The following HIC2 variants were observed in gnomAD, a reference collection of about 807,000 sequenced individuals.
HIC2 encodes HIC ZBTB transcriptional repressor 2.
In HIC2, 2 loss-of-function variants were observed where a neutral mutation model predicts 39.5. The observed-to-expected ratio is 0.05, with a 90% CI of 0.02 to 0.16. HIC2 has a LOEUF of 0.16. Among genes scored for constraint, HIC2 ranks in the 10% least tolerant of loss-of-function variants. The probability of loss-of-function intolerance (pLI) is 1.00; values close to 1 mark genes in which losing one functional copy is unlikely to be tolerated. For synonymous variants in HIC2, 399 were observed against 368.8 expected, an observed-to-expected ratio of 1.08 and a Z score of -0.94; for missense variants, 713 against 863.5, an observed-to-expected ratio of 0.83 and a Z score of 2.18.
At position 21,448,856 on chromosome 22, in the gene HIC2, T is replaced by G. The variant is rs1234362494; in HGVS notation, c.*2113T>G. ...GGAGACCCATGGACTTCACCCATAC[T>G]CAGTGAGGGGGCTCCTGCCGTCCTG... On this transcript the variant is annotated 3_prime_UTR_variant, in exon 3 of 3. Transcript: ENST00000407464. 1 of 152,750 alleles carries G rather than the reference T, an allele frequency of 6.5e-6. No homozygotes were observed. The highest frequency in any genetic ancestry group is 2.4e-5 in the African/African-American group (1 of 41,440). The allele number at this position is 152,750 out of a possible 1,614,324, so 9.5% of individuals were successfully genotyped here. A position where few individuals can be genotyped will look rare whatever the true frequency, so the allele number is the denominator to read the frequency against.
rs748266019 is a variant in HIC2, at chr22:21,446,050, C to T, written c.1155C>T (p.Ser385=). Reference sequence around the variant, plus strand: ...TCCTGGCTAGTGGGGCTGGCCCTAGCGGGCCCTATGGGGAGCCCCCCTACC... The same window carrying T: ...TCCTGGCTAGTGGGGCTGGCCCTAGTGGGCCCTATGGGGAGCCCCCCTACC... ...NGILASGAGP[S]GPYGEPPYPC... The change falls in exon 3 of 3, where the codon AGC becomes AGT. Residue 385 remains serine, a synonymous_variant. Transcript: ENST00000407464. 1.6e-5 allele frequency: 25 copies of T among 1,602,592 alleles called. No individual in the cohort carries two copies. Among genetic ancestry groups the T allele is most frequent in the African/African-American group, 1.5e-4 (11 of 74,788 alleles).
intron 1 of HIC2, among the ~76,000 whole-genome samples, chr22:21,425,798 G>A (rs1429737875): frequency 4.3e-5 from 6 of 139,768 alleles, no homozygotes; most frequent in Non-Finnish European, 9.2e-5. Context: ...TGCAACCTCC[G>A]CCTCCTGGGT....
rs1239198441 is a variant in HIC2, at chr22:21,445,939, C to T, written c.1044C>T (p.Ser348=). 6.3e-6 allele frequency: 10 copies of T among 1,578,818 alleles called. No individual in the cohort carries two copies. In the East Asian group the frequency reaches 1.8e-4, roughly 28 times the overall value. The change falls in exon 3 of 3, where the codon TCC becomes TCT. Residue 348 remains serine (S), a synonymous_variant. Transcript: ENST00000407464. The part of the protein sequence containing the change: ...EWGKKEPVAG[S]PFERREAGPK... ...GCAAGAAGGAGCCTGTGGCTGGCTC[C>T]CCCTTTGAGCGGAGAGAAGCAGGGC... is the stretch of plus-strand genomic sequence containing the variant.
At position 21,445,264 on chromosome 22, in the gene HIC2, C is replaced by T. The variant is rs1923732669; in HGVS notation, c.369C>T (p.Ala123=). The change falls in exon 3 of 3, where the codon GCC becomes GCT. Residue 123 remains alanine (A), a synonymous_variant. Coordinates refer to ENST00000407464, the MANE Select transcript of HIC2 (RefSeq NM_015094.3). Reference sequence around the variant, plus strand: ...ACTTCAGCACCCTCCTCACTGCCGCCAGCTACCTCCAGCTGCCCGAGTTGG... The same window carrying T: ...ACTTCAGCACCCTCCTCACTGCCGCTAGCTACCTCCAGCTGCCCGAGTTGG... The part of the protein sequence containing the change: ...EPNFSTLLTA[A]SYLQLPELAA... 1 of 1,612,002 alleles carries T rather than the reference C, an allele frequency of 6.2e-7. No individual in the cohort carries two copies. Among genetic ancestry groups the T allele is most frequent in the African/African-American group, 1.3e-5 (1 of 74,952 alleles).
intron 1 of HIC2, among the ~76,000 whole-genome samples, chr22:21,425,697 C>T (rs1305060676): frequency 2.1e-5 from 3 of 146,216 alleles, no homozygotes; most frequent in African/African-American, 5.1e-5. Context: ...CCTGCCACCA[C>T]GCCTGGTTAA....
chr22:21,442,980 G>C, intron 2 of HIC2, 123 bp downstream of exon 2: 1 of 527,032 alleles, frequency 1.9e-6, no homozygotes. Flanking sequence ...ACACAGCACT[G>C]GGCAGTGTGG....
Position 21,446,879 on chromosome 22 carries a change from C to A in HIC2, c.*136C>A. The A allele has an allele frequency of 8.3e-7, 1 of 1,203,776 alleles. No individual in the cohort carries two copies. The highest frequency in any genetic ancestry group is 1.1e-6 in the Non-Finnish European group (1 of 885,170). 74.6% of individuals were successfully genotyped at this position (1,203,776 alleles called of 1,614,324 possible). ...CGGGTGGCCCCTCTGGCCCCCACTG[C>A]CCACACCCAGAGCTTTAATGGACAG... On this transcript the variant is annotated 3_prime_UTR_variant, in exon 3 of 3. Transcript: ENST00000407464.
At chr22:21,426,354 T>TC (rs1923252254) in intron 1 of HIC2, among the ~76,000 whole-genome samples, 1 of 116,970 alleles carries the variant, frequency 8.5e-6, no homozygotes, top group Non-Finnish European at 1.8e-5. Context: ...TTTTTTTTTT[T>TC]TTCCAGAGAT....
At chr22:21,426,885 T>G (rs1231190887) in intron 1 of HIC2, among the ~76,000 whole-genome samples, 1 of 2,324 alleles carries the variant, frequency 4.3e-4, no homozygotes, top group Non-Finnish European at 1.1e-3. Context: ...TTACAGGCGC[T>G]TGCCACCACA....
In HIC2 at chr22:21,447,932, G is replaced by A. The variant is rs1352610168; in HGVS notation, c.*1189G>A. ...CTTGAATTCATGACAACGATATGTT[G>A]GTGACTGGCAGTGGAAGCCCTTGAC... On this transcript the variant is annotated 3_prime_UTR_variant, in exon 3 of 3. Transcript: ENST00000407464. 6.5e-6 allele frequency: 1 copy of A among 152,788 alleles called. No individual in the cohort carries two copies. The highest frequency in any genetic ancestry group is 1.9e-4 in the East Asian group (1 of 5,338). The allele number at this position is 152,788 out of a possible 1,614,324, so 9.5% of individuals were successfully genotyped here. A position where few individuals can be genotyped will look rare whatever the true frequency, so the allele number is the denominator to read the frequency against.
chr22:21,426,356 T>TC (rs1366286855), intron 1 of HIC2, among the ~76,000 whole-genome samples: 20 of 119,712 alleles, frequency 1.7e-4, no homozygotes, highest in Non-Finnish European at 2.4e-4. Context: ...TTTTTTTTTT[T>TC]CCAGAGATGG....
At chr22:21,438,130 GCCTC>G (rs1400243330) in intron 1 of HIC2, among the ~76,000 whole-genome samples, 7 of 152,214 alleles carry the variant, frequency 4.6e-5, no homozygotes, top group Non-Finnish European at 7.3e-5. Flanking sequence ...TTCTCCCCAG[GCCTC>G]CCTCCTGGCT....
At position 21,448,469 on chromosome 22, in the gene HIC2, C is replaced by T. The variant is rs1286860288; in HGVS notation, c.*1726C>T. ...AGACCAAGGTTGCTGATCTCAGTCCCACTGTCTTCAGCCAGCTGAAGCTGT... is the reference window on the plus strand; with the variant it reads ...AGACCAAGGTTGCTGATCTCAGTCCTACTGTCTTCAGCCAGCTGAAGCTGT... On this transcript the variant is annotated 3_prime_UTR_variant, in exon 3 of 3. Transcript: ENST00000407464. 6.5e-6 allele frequency: 1 copy of T among 152,794 alleles called. No homozygotes were observed. The highest frequency in any genetic ancestry group is 1.5e-5 in the Non-Finnish European group (1 of 68,032). The allele number at this position is 152,794 out of a possible 1,614,324, so 9.5% of individuals were successfully genotyped here.
Position 21,451,136 on chromosome 22 carries a change from A to T in HIC2, c.*4393A>T, listed in dbSNP as rs561058384. On this transcript the variant is annotated 3_prime_UTR_variant, in exon 3 of 3. Transcript: ENST00000407464. ...ATTTCTCGCAAATACCTCGAAGGGG[A>T]GGGGGGAGGGATGGGGTTATAGCTG... 2.0e-5 allele frequency: 3 copies of T among 148,668 alleles called. No individual in the cohort carries two copies. The highest frequency in any genetic ancestry group is 3.0e-5 in the Non-Finnish European group (2 of 66,480). 9.2% of individuals were successfully genotyped at this position (148,668 alleles called of 1,614,324 possible). A position where few individuals can be genotyped will look rare whatever the true frequency, so the allele number is the denominator to read the frequency against.
rs1924080689 is a variant in HIC2 at position 21,450,039 on chromosome 22, CT to C, written c.*3297del. On this transcript the variant is annotated 3_prime_UTR_variant, in exon 3 of 3. Transcript: ENST00000407464. ...CACCCCAGGCAGCGGAAGGGGCTGA[CT>C]GGGTCTGGTCCTTACCAACATAGAC... 1.3e-5 allele frequency: 2 copies of C among 152,816 alleles called. No homozygotes were observed. The highest frequency in any genetic ancestry group is 1.3e-4 in the Admixed American group (2 of 15,294). 9.5% of individuals were successfully genotyped at this position (152,816 alleles called of 1,614,324 possible).
chr22:21,443,794 G>A (rs1923651490), intron 2 of HIC2, among the ~76,000 whole-genome samples: 1 of 152,178 alleles, frequency 6.6e-6, no homozygotes, highest in Non-Finnish European at 1.5e-5. Context: ...ACTGCGTTTT[G>A]TACTGGGGAG....
chr22:21,446,858 T>A lies in HIC2; in HGVS notation c.*115T>A. ...CCCTGGGTCCAGTGGAGGCTCCGGG[T>A]GGCCCCTCTGGCCCCCACTGCCCAC... is the stretch of plus-strand genomic sequence containing the variant. On this transcript the variant is annotated 3_prime_UTR_variant, in exon 3 of 3. Transcript: ENST00000407464. The A allele has an allele frequency of 7.4e-7, 1 of 1,347,130 alleles. No homozygotes were observed. The highest frequency in any genetic ancestry group is 9.9e-7 in the Non-Finnish European group (1 of 1,010,756). 83.4% of individuals were successfully genotyped at this position (1,347,130 alleles called of 1,614,324 possible). A position where few individuals can be genotyped will look rare whatever the true frequency, so the allele number is the denominator to read the frequency against.
intron 1 of HIC2, among the ~76,000 whole-genome samples, chr22:21,425,708 T>C (rs1290659601): frequency 6.7e-6 from 1 of 148,188 alleles, no homozygotes; most frequent in African/African-American, 2.5e-5. Context: ...GCCTGGTTAA[T>C]TTTTTCTTTT....
Position 21,450,196 on chromosome 22 carries a change from A to G in HIC2, c.*3453A>G, listed in dbSNP as rs1353871059. ...CTCCGCCACTGCATGCTCCCGCCGG[A>G]CCGAGCCCCAGCAAGGGCTCCTCCA... On this transcript the variant is annotated 3_prime_UTR_variant, in exon 3 of 3. Coordinates refer to ENST00000407464, the MANE Select transcript of HIC2 (RefSeq NM_015094.3). The G allele has an allele frequency of 6.6e-6, 1 of 152,026 alleles. No individual in the cohort carries two copies. The highest frequency in any genetic ancestry group is 2.4e-5 in the African/African-American group (1 of 41,172). The allele number at this position is 152,026 out of a possible 1,614,324, so 9.4% of individuals were successfully genotyped here.
Sources: allele counts gnomAD v4.1 joint callset (sites outside exome capture counted in the v4.1 genomes callset), GRCh38; gene constraint gnomAD v4.1.1; transcripts MANE v1.5; gene names NCBI Gene and HGNC (gene_info 2026-07-23, HGNC 2026-07-21).